TUSC3: variants seen among roughly 807,000 people sequenced by gnomAD.
TUSC3 encodes dolichyl-diphosphooligosaccharide--protein glycosyltransferase subunit TUSC3.
A neutral mutation model predicts 44.8 loss-of-function variants in TUSC3; 45 were observed. The ratio of observed to expected loss-of-function variants is 1.00; its 90% CI spans 0.79 to 1.29. The LOEUF is 1.29. Among genes scored for constraint, TUSC3 ranks in the 50% most tolerant of loss-of-function variants. TUSC3 has a pLI of 0.00. For synonymous variants in TUSC3, 212 were observed against 152.9 expected, an observed-to-expected ratio of 1.39 and a Z score of -2.85; for missense variants, 519 against 437.9, an observed-to-expected ratio of 1.19 and a Z score of -1.65.
intron 2 of TUSC3, among the ~76,000 whole-genome samples, chr8:15,498,777 C>G (rs1800915926): frequency 6.6e-6 from 1 of 152,122 alleles, no homozygotes; most frequent in Admixed American, 6.6e-5. Context: ...TTCCTGCTGA[C>G]CCAGTTGACA....
intron 8 of TUSC3, among the ~76,000 whole-genome samples, chr8:15,747,259 T>TTTGA (rs1427502459): frequency 7.9e-5 from 12 of 152,090 alleles, no homozygotes; most frequent in Non-Finnish European, 1.5e-4. Flanking sequence ...TATAGATCTG[T>TTTGA]TTGATTTTCC....
the TUSC3 span, among the ~76,000 whole-genome samples, chr8:15,843,883 T>C: frequency 6.6e-6 from 1 of 152,080 alleles, no homozygotes; most frequent in Non-Finnish European, 1.5e-5. Context: ...TGATAAATAA[T>C]GATGAAGTCT....
chr8:15,818,471 A>G, the TUSC3 span, among the ~76,000 whole-genome samples: 3 of 152,136 alleles, frequency 2.0e-5, no homozygotes, highest in Non-Finnish European at 4.4e-5. Context: ...GTGTTCTTAG[A>G]TCTGTTGATT....
At chr8:15,455,441 A>G (rs1351806941) in intron 1 of TUSC3, among the ~76,000 whole-genome samples, 2 of 43,664 alleles carry the variant, frequency 4.6e-5, no homozygotes, top group African/African-American at 7.2e-5. Context: ...ACGTATATGT[A>G]TACACACCTA....
intron 10 of TUSC3, among the ~76,000 whole-genome samples, chr8:15,760,152 ATAGC>A (rs1812111902): frequency 6.6e-6 from 1 of 152,144 alleles, no homozygotes; most frequent in Non-Finnish European, 1.5e-5. Flanking sequence ...AAATTCATTA[ATAGC>A]TAATAACAAA....
chr8:15,738,099 G>A (rs891032326), intron 7 of TUSC3, among the ~76,000 whole-genome samples: 3 of 152,004 alleles, frequency 2.0e-5, no homozygotes, highest in African/African-American at 7.2e-5. Flanking sequence ...GTTTTTAAAC[G>A]GCTCACTGCT....
chr8:15,508,086 C>T (rs919935953), intron 2 of TUSC3, among the ~76,000 whole-genome samples: 13 of 151,938 alleles, frequency 8.6e-5, no homozygotes, highest in African/African-American at 3.1e-4. Flanking sequence ...ACTAAAAATA[C>T]AAAAATTAGC....
intron 1 of TUSC3, among the ~76,000 whole-genome samples, chr8:15,544,225 CTTTTA>C (rs567681484): frequency 0.012 from 1,806 of 152,086 alleles, 15 homozygotes; most frequent in Non-Finnish European, 0.019. Flanking sequence ...TCTTGTGTTT[CTTTTA>C]TTTTGACAGT....
chr8:15,604,536 A>G (rs1293324752), intron 1 of TUSC3, among the ~76,000 whole-genome samples: 2 of 151,798 alleles, frequency 1.3e-5, no homozygotes, highest in Admixed American at 6.6e-5. Flanking sequence ...AAATATTTTA[A>G]TAAAAATACA....
Position 15,748,394 on chromosome 8 carries a change from G to C in TUSC3, c.957G>C (p.Leu319Phe), listed in dbSNP as rs760174724. ...TTCTAGTAATTTGCCTAGTGGGATT[G>C]GGCCTGGTGGTCTTCTTCTTCAGTT... ...GKRRIICLVG[L>F]GLVVFFFSFL... Residue 319 changes from leucine to phenylalanine, a missense_variant, in exon 9 of 11, where the codon TTG (leucine) becomes TTC (phenylalanine). Coordinates refer to ENST00000503731, the MANE Select transcript of TUSC3 (RefSeq NM_006765.4). The C allele has an allele frequency of 1.2e-6, 2 of 1,613,372 alleles. No homozygotes were observed. Among genetic ancestry groups the C allele is most frequent in the Admixed American group, 1.7e-5 (1 of 59,996 alleles).
the TUSC3 span, among the ~76,000 whole-genome samples, chr8:15,805,503 C>A: frequency 6.6e-6 from 1 of 151,926 alleles, no homozygotes; most frequent in East Asian, 1.9e-4. Flanking sequence ...GATGTATGTT[C>A]CTTTGATGCC....
chr8:15,821,978 G>T, the TUSC3 span, among the ~76,000 whole-genome samples: 2 of 152,154 alleles, frequency 1.3e-5, no homozygotes, highest in African/African-American at 4.8e-5. Flanking sequence ...CCAGGTAAAA[G>T]ATGATGATGA....
intron 1 of TUSC3, among the ~76,000 whole-genome samples, chr8:15,590,212 C>G (rs1803769437): frequency 6.6e-6 from 1 of 152,162 alleles, no homozygotes; most frequent in Non-Finnish European, 1.5e-5. Context: ...TCTGATTGGA[C>G]TTTTCACTCT....
intron 1 of TUSC3, among the ~76,000 whole-genome samples, chr8:15,545,067 T>C (rs958612480): frequency 6.6e-6 from 1 of 151,822 alleles, no homozygotes; most frequent in Non-Finnish European, 1.5e-5. Context: ...ATACCTAAGA[T>C]GTAGGTGTTA....
intron 1 of TUSC3, among the ~76,000 whole-genome samples, chr8:15,620,762 G>A (rs1376574474): frequency 6.6e-6 from 1 of 152,114 alleles, no homozygotes; most frequent in African/African-American, 2.4e-5. Context: ...AAGATGGGAA[G>A]CATGGGAAAT....
At chr8:15,647,223 A>G (rs966335509) in intron 2 of TUSC3, among the ~76,000 whole-genome samples, 15 of 152,172 alleles carry the variant, frequency 9.9e-5, no homozygotes, top group Admixed American at 3.9e-4. Flanking sequence ...AGTAGCATCA[A>G]TGGCAAAGTA....
At chr8:15,565,468 A>G (rs1316569209) in intron 1 of TUSC3, among the ~76,000 whole-genome samples, 1 of 152,114 alleles carries the variant, frequency 6.6e-6, no homozygotes, top group Non-Finnish European at 1.5e-5. Context: ...CCCACTTTTC[A>G]GACTCCCACA....
intron 1 of TUSC3, among the ~76,000 whole-genome samples, chr8:15,544,179 G>A (rs567695337): frequency 2.2e-4 from 33 of 152,046 alleles, no homozygotes; most frequent in African/African-American, 7.5e-4. Flanking sequence ...GGAGACTTTG[G>A]CTTTTTAGTA....
chr8:15,428,264 C>A (rs1799830574), intron 1 of TUSC3, among the ~76,000 whole-genome samples: 1 of 151,752 alleles, frequency 6.6e-6, no homozygotes, highest in African/African-American at 2.4e-5. Flanking sequence ...ATGATGGGTT[C>A]CAGCTTCATC....
Sources: gnomAD v4.1 joint callset for allele counts (sites outside exome capture counted in the v4.1 genomes callset) on GRCh38, gnomAD v4.1.1 for gene constraint, MANE v1.5 for transcripts, NCBI Gene and HGNC (gene_info 2026-07-23, HGNC 2026-07-21) for gene names.